Variants in SH3GL2 observed in about 807,000 individuals in gnomAD.
SH3GL2 encodes the protein SH3 domain containing GRB2 like 2, endophilin A1, also known as endophilin-A1.
SH3GL2 carries 24 observed loss-of-function variants against 46.0 expected under a neutral mutation model. The ratio of observed to expected loss-of-function variants is 0.52; its 90% CI spans 0.38 to 0.73. The LOEUF is 0.73. Ranked by LOEUF, SH3GL2 falls within the 30% of genes least tolerant of loss-of-function variation. SH3GL2 has a pLI of 0.00. For missense variants in SH3GL2, 413 were observed against 424.2 expected, an observed-to-expected ratio of 0.97 and a Z score of 0.23; for synonymous variants, 196 against 147.1, an observed-to-expected ratio of 1.33 and a Z score of -2.40.
intron 1 of SH3GL2, among the ~76,000 whole-genome samples, chr9:17,741,213 A>G (rs1479178999): frequency 6.6e-6 from 1 of 152,154 alleles, no homozygotes; most frequent in Non-Finnish European, 1.5e-5. Context: ...TGATTTTTCA[A>G]AAAAGTATTT....
At position 17,710,508 on chromosome 9, in the gene SH3GL2, A is replaced by G. The variant is rs192763465; in HGVS notation, c.46-36558A>G. Among the ~76,000 whole-genome samples the G allele has an allele frequency of 2.0e-5, 3 of 152,054 alleles. No individual in the cohort carries two copies. In the East Asian group the frequency reaches 5.8e-4, roughly 30 times the overall value. On this transcript the variant is annotated intron_variant, in intron 1 of 8. Transcript: ENST00000380607. ...AGCTAGAGGAATTTTTCAACAAATT[A>G]AAACAATGAATTACTATATGATGCA...
chr9:17,775,350 T>A (rs1823611966), intron 3 of SH3GL2, among the ~76,000 whole-genome samples: 2 of 152,198 alleles, frequency 1.3e-5, no homozygotes, highest in Admixed American at 6.6e-5. Flanking sequence ...AACTGTAATT[T>A]TCTCCAAAAG....
intron 1 of SH3GL2, among the ~76,000 whole-genome samples, chr9:17,702,411 T>G (rs1195398629): frequency 1.3e-5 from 2 of 151,836 alleles, no homozygotes; most frequent in Non-Finnish European, 2.9e-5. Context: ...TCAGGATATA[T>G]GTACCGATAT....
intron 1 of SH3GL2, chr9:17,590,370 A>ACAG (rs1818458159): frequency 6.6e-6 from 1 of 152,150 alleles, no homozygotes; most frequent in African/African-American, 2.4e-5. Flanking sequence ...GAGTTTACTG[A>ACAG]TTAATATTAA....
intron 1 of SH3GL2, among the ~76,000 whole-genome samples, chr9:17,668,025 C>A (rs1274342602): frequency 6.6e-6 from 1 of 152,126 alleles, no homozygotes; most frequent in East Asian, 1.9e-4. Context: ...TTTATATGTT[C>A]TGGACACTAG....
chr9:17,699,582 C>G (rs1028185783), intron 1 of SH3GL2, among the ~76,000 whole-genome samples: 1 of 152,196 alleles, frequency 6.6e-6, no homozygotes, highest in Non-Finnish European at 1.5e-5. Flanking sequence ...CTGGCCTGCC[C>G]TCAGCCTTAC....
intron 1 of SH3GL2, among the ~76,000 whole-genome samples, chr9:17,695,018 A>G (rs1052352587): frequency 6.6e-6 from 1 of 152,146 alleles, no homozygotes; most frequent in African/African-American, 2.4e-5. Context: ...ATCATTATGA[A>G]AGAATATAAA....
intron 1 of SH3GL2, among the ~76,000 whole-genome samples, chr9:17,600,038 G>A (rs1818641005): frequency 6.6e-6 from 1 of 150,412 alleles, no homozygotes; most frequent in African/African-American, 2.5e-5. Flanking sequence ...CACTTATTTT[G>A]GGCTCCTATA....
At chr9:17,765,854 G>C (rs180800286) in intron 3 of SH3GL2, among the ~76,000 whole-genome samples, 2 of 152,140 alleles carry the variant, frequency 1.3e-5, no homozygotes, top group African/African-American at 4.8e-5. Flanking sequence ...CCAGCCCCCA[G>C]CTCAGTTCCA....
chr9:17,786,329 T>G, intron 3 of SH3GL2, 52 bp from the exon 4 acceptor site: 2 of 1,555,092 alleles, frequency 1.3e-6, no homozygotes, highest in Non-Finnish European at 1.7e-6. Flanking sequence ...CAGCCCTATT[T>G]CCGCAGTGTC....
At chr9:17,776,536 C>T (rs1022259938) in intron 3 of SH3GL2, among the ~76,000 whole-genome samples, 10 of 152,032 alleles carry the variant, frequency 6.6e-5, no homozygotes, top group African/African-American at 2.2e-4. Flanking sequence ...CACAAAAATG[C>T]TATAAAGGAA....
chr9:17,625,472 C>G (rs992979506), intron 1 of SH3GL2, among the ~76,000 whole-genome samples: 2 of 152,224 alleles, frequency 1.3e-5, no homozygotes, highest in Non-Finnish European at 2.9e-5. Flanking sequence ...ATTTAAAACG[C>G]ATTCCTACTT....
intron 3 of SH3GL2, among the ~76,000 whole-genome samples, chr9:17,776,245 T>TTTTTG (rs1823638274): frequency 6.6e-6 from 1 of 152,156 alleles, no homozygotes; most frequent in Non-Finnish European, 1.5e-5. Context: ...TCATTTGTGA[T>TTTTTG]AAACCTTGAT....
chr9:17,664,545 A>G (rs538761906), intron 1 of SH3GL2, among the ~76,000 whole-genome samples: 40 of 152,252 alleles, frequency 2.6e-4, no homozygotes, highest in South Asian at 1.0e-3. Context: ...CAAGTTTTTC[A>G]TTTAAGTGCA....
rs959624319 is a variant in SH3GL2 at position 17,579,145 on chromosome 9, C to T, written c.-98C>T. 6.2e-6 allele frequency: 5 copies of T among 807,414 alleles called. No homozygotes were observed. Among genetic ancestry groups the T allele is most frequent in the African/African-American group, 1.8e-5 (1 of 54,340 alleles). 50.0% of individuals were successfully genotyped at this position (807,414 alleles called of 1,614,324 possible). Reference sequence around the variant, plus strand: ...CCCATAGCCCCGGCGGCGGCACGACCAGAGGCGGCCAGGGGAGCGCGCCGC... The same window carrying T: ...CCCATAGCCCCGGCGGCGGCACGACTAGAGGCGGCCAGGGGAGCGCGCCGC... On this transcript the variant is annotated 5_prime_UTR_variant, in exon 1 of 9. Transcript: ENST00000380607.
In SH3GL2 at chr9:17,579,195, C is replaced by T. The variant is rs749196264; in HGVS notation, c.-48C>T. The T allele has an allele frequency of 2.1e-6, 3 of 1,454,612 alleles. No individual in the cohort carries two copies. The highest frequency in any genetic ancestry group is 2.9e-5 in the African/African-American group (2 of 68,078). 90.1% of individuals were successfully genotyped at this position (1,454,612 alleles called of 1,614,324 possible). The stretch of plus-strand genomic sequence containing the variant: ...CCCCGCTCGGCCCTCCAGTCCCCCT[C>T]CGCCTCCTCCCTCCCGCACAGCAGC... On this transcript the variant is annotated 5_prime_UTR_variant, in exon 1 of 9. Transcript: ENST00000380607.
At chr9:17,717,853 A>G (rs1387495738) in intron 1 of SH3GL2, among the ~76,000 whole-genome samples, 2 of 151,954 alleles carry the variant, frequency 1.3e-5, no homozygotes, top group Non-Finnish European at 2.9e-5. Context: ...CTCCATACCC[A>G]TTATTTTTTT....
At chr9:17,684,788 G>A (rs1294119576) in intron 1 of SH3GL2, among the ~76,000 whole-genome samples, 1 of 152,068 alleles carries the variant, frequency 6.6e-6, no homozygotes, top group Non-Finnish European at 1.5e-5. Flanking sequence ...AGGTTACAGT[G>A]TTAACAGAAT....
intron 1 of SH3GL2, among the ~76,000 whole-genome samples, chr9:17,642,056 A>G (rs1819699041): frequency 6.6e-6 from 1 of 152,204 alleles, no homozygotes; most frequent in Non-Finnish European, 1.5e-5. Flanking sequence ...CACTCCCACC[A>G]ACAGTGTAAA....
Sources: gnomAD v4.1 joint callset for allele counts (sites outside exome capture counted in the v4.1 genomes callset) on GRCh38, gnomAD v4.1.1 for gene constraint, MANE v1.5 for transcripts, NCBI Gene and HGNC (gene_info 2026-07-23, HGNC 2026-07-21) for gene names.